SORBS2: variants seen among roughly 807,000 people sequenced by gnomAD.
SORBS2 encodes the protein sorbin and SH3 domain-containing protein 2.
In SORBS2, 46 loss-of-function variants were observed where a neutral mutation model predicts 97.7. The observed-to-expected ratio is 0.47, with a 90% CI of 0.37 to 0.60. The LOEUF is 0.60. Among genes scored for constraint, SORBS2 ranks in the 20% least tolerant of loss-of-function variants. The probability of loss-of-function intolerance (pLI) is 0.00; values close to 1 mark genes in which losing one functional copy is unlikely to be tolerated. For synonymous variants in SORBS2, 476 were observed against 473.4 expected, an observed-to-expected ratio of 1.01 and a Z score of -0.07; for missense variants, 1,316 against 1,282.3, an observed-to-expected ratio of 1.03 and a Z score of -0.40.
intron 4 of SORBS2, 90 bp downstream of exon 7, chr4:185,678,333 T>G: frequency 3.7e-5 from 40 of 1,077,928 alleles, no homozygotes; most frequent in Non-Finnish European, 4.6e-5. Context: ...TAAAACGTAT[T>G]GAAATACGCA....
chr4:185,603,855 G>T (rs1307329752), intron 12 of SORBS2, among the ~76,000 whole-genome samples: 1 of 152,168 alleles, frequency 6.6e-6, no homozygotes, highest in Non-Finnish European at 1.5e-5. Flanking sequence ...TGGATGCTTT[G>T]TGAAGTGCTA....
intron 1 of SORBS2, among the ~76,000 whole-genome samples, chr4:185,806,797 G>A (rs559994771): frequency 1.8e-4 from 27 of 152,214 alleles, no homozygotes; most frequent in Admixed American, 1.7e-3. Flanking sequence ...GACTCCTTGC[G>A]GCTAATCCTT....
At chr4:185,713,690 G>A (rs1019218035) in intron 2 of SORBS2, among the ~76,000 whole-genome samples, 3 of 152,212 alleles carry the variant, frequency 2.0e-5, no homozygotes, top group African/African-American at 7.2e-5. Flanking sequence ...CTGTGGAAAA[G>A]GGTGCAAGAG....
intron 4 of SORBS2, among the ~76,000 whole-genome samples, chr4:185,643,400 C>T (rs73876134): frequency 0.017 from 2,603 of 152,172 alleles, 80 homozygotes; most frequent in African/African-American, 0.06. Flanking sequence ...TCAGCTGGAG[C>T]CCAGTCACAG....
chr4:185,907,337 A>C (rs1430966123), intron 1 of SORBS2, among the ~76,000 whole-genome samples: 1 of 152,180 alleles, frequency 6.6e-6, no homozygotes, highest in Non-Finnish European at 1.5e-5. Flanking sequence ...GTTAGCTTTT[A>C]TAGTAAGAAA....
At chr4:185,641,507 A>T (rs1424092385) in intron 4 of SORBS2, among the ~76,000 whole-genome samples, 2 of 152,178 alleles carry the variant, frequency 1.3e-5, no homozygotes, top group Non-Finnish European at 2.9e-5. Flanking sequence ...GCCTCGCAAC[A>T]GTCAGTGACA....
chr4:185,878,800 C>T (rs2099235089), intron 1 of SORBS2, among the ~76,000 whole-genome samples: 1 of 152,018 alleles, frequency 6.6e-6, no homozygotes, highest in East Asian at 1.9e-4. Context: ...AATTCCAGTG[C>T]CTCGCCTCAG....
chr4:185,844,329 C>T lies in SORBS2; in HGVS notation c.-337-68963G>A, dbSNP rs183697774. ...GAGACATTTCTCTAAAGAGGATATG[C>T]GAATGATCGGCAGACACACGAAAAG... On this transcript the variant is annotated intron_variant, in intron 1 of 20. Transcript: ENST00000284776. Among the ~76,000 whole-genome samples, 13 of 152,246 alleles carry T rather than the reference C, an allele frequency of 8.5e-5. No homozygotes were observed. In the East Asian group the frequency reaches 1.5e-3, roughly 18 times the overall value.
chr4:185,832,029 A>G (rs2047501), intron 1 of SORBS2, among the ~76,000 whole-genome samples: 38,526 of 152,190 alleles, frequency 0.25, 6,260 homozygotes, highest in Middle Eastern at 0.36. Context: ...TCTGGTTTTA[A>G]TATGATCAAT....
chr4:185,613,166 G>A (rs779246280), intron 11 of SORBS2, among the ~76,000 whole-genome samples: 9 of 152,178 alleles, frequency 5.9e-5, no homozygotes, highest in Admixed American at 1.3e-4. Context: ...ACAGAAGCTC[G>A]GGCAGCGGCA....
chr4:185,613,319 T>C (rs1427132596), intron 11 of SORBS2, among the ~76,000 whole-genome samples: 2 of 152,150 alleles, frequency 1.3e-5, no homozygotes, highest in Non-Finnish European at 2.9e-5. Flanking sequence ...GTTGATTTTG[T>C]GTGCTTCACC....
intron 2 of SORBS2, among the ~76,000 whole-genome samples, chr4:185,702,632 C>T (rs561688810): frequency 2.0e-5 from 3 of 151,706 alleles, no homozygotes; most frequent in South Asian, 4.2e-4. Flanking sequence ...AGGGGACTTC[C>T]AGGTATGTGC....
chr4:185,639,758 G>C (rs1220129915), intron 4 of SORBS2, among the ~76,000 whole-genome samples: 1 of 152,222 alleles, frequency 6.6e-6, no homozygotes, highest in Non-Finnish European at 1.5e-5. Flanking sequence ...CTGGCTAGGA[G>C]AGGAGCTGTG....
At chr4:185,827,079 CACCATCATCACCAT>C (rs2099200441) in intron 1 of SORBS2, among the ~76,000 whole-genome samples, 1 of 143,668 alleles carries the variant, frequency 7.0e-6, no homozygotes, top group Non-Finnish European at 1.5e-5. Context: ...CCATCATCAT[CACCATCATCACCAT>C]CATCATCACC....
At chr4:185,895,210 A>G (rs1037119232) in intron 1 of SORBS2, among the ~76,000 whole-genome samples, 1 of 152,214 alleles carries the variant, frequency 6.6e-6, no homozygotes, top group Non-Finnish European at 1.5e-5. Context: ...CCCTGATGCC[A>G]CTGAAGCAAC....
At position 185,606,650 on chromosome 4, in the gene SORBS2, T is replaced by C. The variant is rs947411624; in HGVS notation, c.2796+5130A>G. The C allele has an allele frequency of 9.1e-6, 9 of 985,132 alleles. No homozygotes were observed. The African/African-American group carries it at 1.2e-4, about 13-fold the overall frequency. 61.0% of individuals were successfully genotyped at this position (985,132 alleles called of 1,614,324 possible). ...GTCCTAGGATCTGTGGGGGTGGCTA[T>C]GGGGTGTTTTAGGCAGTTGGGTTTC... On this transcript the variant is annotated intron_variant, in intron 12 of 14. Coordinates refer to ENST00000418609, the Ensembl canonical transcript of SORBS2. This position sits in a 1 kb window ranked among gnomAD's most constrained non-coding sequence, Gnocchi z 4.3.
rs150897470 is a variant in SORBS2 at position 185,861,241 on chromosome 4, C to T, written c.-337-85875G>A. Among the ~76,000 whole-genome samples the T allele has an allele frequency of 6.5e-4, 95 of 147,156 alleles. No homozygotes were observed. In the Admixed American group the frequency reaches 6.6e-3, roughly 10 times the overall value. ...CTTCCACTTCCCACTGTGGCCTGAA[C>T]GAATGTTTTCAGGTTTCTTTGGAAT... is the stretch of plus-strand genomic sequence containing the variant. On this transcript the variant is annotated intron_variant, in intron 1 of 20. Transcript: ENST00000284776.
intron 1 of SORBS2, among the ~76,000 whole-genome samples, chr4:185,819,262 T>C (rs998738486): frequency 1.3e-5 from 2 of 152,240 alleles, no homozygotes; most frequent in Non-Finnish European, 2.9e-5. Context: ...CCCTCTGTTC[T>C]GTCATCTTTT....
At chr4:185,720,025 C>T (rs1352568934) in intron 2 of SORBS2, among the ~76,000 whole-genome samples, 1 of 152,208 alleles carries the variant, frequency 6.6e-6, no homozygotes, top group Non-Finnish European at 1.5e-5. Context: ...CAAGAGGTGC[C>T]CTCTTTGCTT....
Sources: gnomAD v4.1 joint callset for allele counts (sites outside exome capture counted in the v4.1 genomes callset) on GRCh38, gnomAD v4.1.1 for gene constraint, Gnocchi (gnomAD v3.1) non-coding constraint, MANE v1.5 for transcripts, NCBI Gene and HGNC (gene_info 2026-07-23, HGNC 2026-07-21) for gene names.